The following BDNF variants were observed in gnomAD, a reference collection of about 807,000 sequenced individuals.
The protein encoded by BDNF is brain derived neurotrophic factor, also known as neurotrophic factor BDNF precursor form.
A neutral mutation model predicts 19.5 loss-of-function variants in BDNF; 1 was observed. That is an observed-to-expected ratio of 0.05 (90% CI 0.02 to 0.24). The LOEUF is 0.24. Ranked by LOEUF, BDNF falls within the 10% of genes least tolerant of loss-of-function variation. The pLI is 1.00. For missense variants in BDNF, 195 were observed against 317.6 expected (o/e 0.61, Z 2.93); for synonymous variants, 100 against 121.6 (o/e 0.82, Z 1.17).
chr11:27,666,203 G>A (rs1854304149), intron 1 of BDNF, among the ~76,000 whole-genome samples: 1 of 152,174 alleles, frequency 6.6e-6, no homozygotes, highest in Admixed American at 6.5e-5. Flanking sequence ...TGCAGCTGAG[G>A]GTCCTGACTG....
chr11:27,676,333 T>TA, intron 1 of BDNF, among the ~76,000 whole-genome samples: 1 of 152,174 alleles, frequency 6.6e-6, no homozygotes, highest in African/African-American at 2.4e-5. Flanking sequence ...CAAAATTCTA[T>TA]AAAAAATATT....
chr11:27,700,981 C>T (rs1859863113), upstream of BDNF: 1 of 1,361,132 alleles, frequency 7.3e-7, no homozygotes, highest in African/African-American at 1.5e-5. Flanking sequence ...CTTCCCGCAC[C>T]TTCCTGCACT....
Position 27,658,364 on chromosome 11 carries a change from T to C in BDNF, c.201A>G (p.Ile67Met), listed in dbSNP as rs955606495. The C allele has an allele frequency of 5.6e-6, 9 of 1,614,060 alleles. No individual in the cohort carries two copies. Among genetic ancestry groups the C allele is most frequent in the Non-Finnish European group, 7.6e-6 (9 of 1,180,042 alleles). ...TCTGGTCCTCATCCAACAGCTCTTCTATCACGTGTTCGAAAGTGTCAGCCA... is the reference window on the plus strand; with the variant it reads ...TCTGGTCCTCATCCAACAGCTCTTCCATCACGTGTTCGAAAGTGTCAGCCA... Reference protein sequence around the residue: ...TSLADTFEHVIEELLDEDQKV... With the variant: ...TSLADTFEHVMEELLDEDQKV... The change falls in exon 2 of 2, where the codon ATA becomes ATG. Residue 67 changes from isoleucine to methionine, a missense_variant. Around this residue, in one of 2 missense-constraint regions of BDNF, gnomAD observed 124 missense variants for 155.0 expected, o/e 0.80. Transcript: ENST00000356660. This position sits in a 1 kb window ranked among gnomAD's most constrained non-coding sequence, Gnocchi z 5.7.
chr11:27,679,946 T>C (rs1478655045), intron 1 of BDNF, among the ~76,000 whole-genome samples: 3 of 152,204 alleles, frequency 2.0e-5, no homozygotes, highest in Non-Finnish European at 4.4e-5. Flanking sequence ...AATTTTTAGG[T>C]TTCATTTTTG....
At chr11:27,669,600 C>T (rs932517314) in intron 1 of BDNF, among the ~76,000 whole-genome samples, 1 of 151,972 alleles carries the variant, frequency 6.6e-6, no homozygotes, top group Non-Finnish European at 1.5e-5. Flanking sequence ...ACAAGCATTC[C>T]TATACACCAA....
intron 1 of BDNF, among the ~76,000 whole-genome samples, chr11:27,720,963 C>T (rs1477874059): frequency 2.9e-5 from 4 of 139,274 alleles, no homozygotes; most frequent in African/African-American, 5.4e-5. Context: ...CCCATCTACA[C>T]CTAAACTCCC....
Position 27,656,862 on chromosome 11 carries a change from AAT to A in BDNF, c.*957_*958del. ...TTATACGAGTGTCATGATGTGACAC[AAT>A]GTGTTCACTTGTTCACAGCAGTGGT... On this transcript the variant is annotated 3_prime_UTR_variant, in exon 2 of 2. Transcript: ENST00000356660. 1.0e-6 allele frequency: 1 copy of A among 985,372 alleles called. No homozygotes were observed. The highest frequency in any genetic ancestry group is 1.2e-6 in the Non-Finnish European group (1 of 829,922). 61.0% of individuals were successfully genotyped at this position (985,372 alleles called of 1,614,324 possible). A position where few individuals can be genotyped will look rare whatever the true frequency, so the allele number is the denominator to read the frequency against.
rs1859738059 is a variant in BDNF, at chr11:27,700,171, T to A, written c.-29A>T. 1 of 985,706 alleles carries A rather than the reference T, an allele frequency of 1.0e-6. No homozygotes were observed. Among genetic ancestry groups the A allele is most frequent in the Non-Finnish European group, 1.2e-6 (1 of 830,306 alleles). 61.1% of individuals were successfully genotyped at this position (985,706 alleles called of 1,614,324 possible). On this transcript the variant is annotated 5_prime_UTR_variant, in exon 1 of 2. Transcript: ENST00000356660. ...TTCCCAGCGCTTGCCTACCTCGGGG[T>A]CCACACAAACCTCACGGGTCCCCGG...
chr11:27,695,254 T>G (rs536115462), intron 1 of BDNF, among the ~76,000 whole-genome samples: 14 of 152,348 alleles, frequency 9.2e-5, no homozygotes, highest in Non-Finnish European at 1.9e-4. Context: ...AACTGCCCGT[T>G]TATTTTCTTT....
At chr11:27,668,924 C>A (rs1170295375) in intron 1 of BDNF, among the ~76,000 whole-genome samples, 3 of 152,178 alleles carry the variant, frequency 2.0e-5, no homozygotes, top group African/African-American at 7.2e-5. Context: ...CCAGCATCAT[C>A]CTGATACCAC....
chr11:27,686,822 C>G (rs1857549307), intron 1 of BDNF, among the ~76,000 whole-genome samples: 1 of 152,166 alleles, frequency 6.6e-6, no homozygotes. Flanking sequence ...ACCTTTCTCT[C>G]TCGCTGCCCT....
chr11:27,670,660 G>C (rs1483084118), intron 1 of BDNF, among the ~76,000 whole-genome samples: 1 of 152,164 alleles, frequency 6.6e-6, no homozygotes, highest in Non-Finnish European at 1.5e-5. Flanking sequence ...ATGAAAAAAT[G>C]CTCATCATCA....
intron 1 of BDNF, among the ~76,000 whole-genome samples, chr11:27,663,870 A>G (rs1853868215): frequency 6.6e-6 from 1 of 152,238 alleles, no homozygotes; most frequent in Non-Finnish European, 1.5e-5. Flanking sequence ...AATCATGACC[A>G]AGATCCTTCA....
intron 1 of BDNF, chr11:27,720,715 A>C: frequency 2.0e-6 from 2 of 985,988 alleles, no homozygotes; most frequent in Non-Finnish European, 2.4e-6. Context: ...TATCGCCCGG[A>C]TTACACACCC....
At position 27,658,185 on chromosome 11, in the gene BDNF, C is replaced by T. The variant is rs1048221; in HGVS notation, c.380G>A (p.Arg127Gln). The T allele has an allele frequency of 5.0e-6, 8 of 1,614,074 alleles. No individual in the cohort carries two copies. Among genetic ancestry groups the T allele is most frequent in the Non-Finnish European group, 6.8e-6 (8 of 1,180,022 alleles). The part of the protein sequence containing the change: ...LDAANMSMRV[R>Q]RHSDPARRGE... Reference sequence around the variant, plus strand: ...TCGGCGGGCAGGGTCAGAGTGGCGCCGGACCCTCATGGACATGTTTGCAGC... The same window carrying T: ...TCGGCGGGCAGGGTCAGAGTGGCGCTGGACCCTCATGGACATGTTTGCAGC... Residue 127 changes from arginine (R) to glutamine (Q), a missense_variant, in exon 2 of 2, where the codon CGG (arginine) becomes CAG (glutamine). Around this residue, in one of 2 missense-constraint regions of BDNF, gnomAD observed 71 missense variants for 162.6 expected, o/e 0.44. Transcript: ENST00000356660. This position sits in a 1 kb window ranked among gnomAD's most constrained non-coding sequence, Gnocchi z 5.7.
upstream of BDNF, among the ~76,000 whole-genome samples, chr11:27,702,271 T>C (rs1247452046): frequency 6.6e-6 from 1 of 152,224 alleles, no homozygotes; most frequent in Non-Finnish European, 1.5e-5. Flanking sequence ...GGGTGAGTGT[T>C]AAAATGAAGG....
At chr11:27,686,420 G>T (rs889626318) in intron 1 of BDNF, among the ~76,000 whole-genome samples, 1 of 152,116 alleles carries the variant, frequency 6.6e-6, no homozygotes, top group Non-Finnish European at 1.5e-5. Context: ...ATTGTTATGT[G>T]TGAATTTGAT....
At chr11:27,706,437 G>A (rs959100274) in intron 1 of BDNF, among the ~76,000 whole-genome samples, 7 of 152,208 alleles carry the variant, frequency 4.6e-5, no homozygotes, top group South Asian at 4.2e-4. Flanking sequence ...CACTTGTAAT[G>A]CATTTTTGTT....
intron 1 of BDNF, among the ~76,000 whole-genome samples, chr11:27,679,850 CTG>C (rs1856625559): frequency 6.6e-6 from 1 of 152,238 alleles, no homozygotes; most frequent in Admixed American, 6.5e-5. Flanking sequence ...TCAGAACCAG[CTG>C]TGTTTCTGTC....
Sources: allele counts gnomAD v4.1 joint callset (sites outside exome capture counted in the v4.1 genomes callset), GRCh38; gene constraint gnomAD v4.1.1; regional missense constraint gnomAD v4.1.1; non-coding constraint Gnocchi (gnomAD v3.1); transcripts MANE v1.5; gene names NCBI Gene and HGNC (gene_info 2026-07-23, HGNC 2026-07-21).